NEB: variants seen among roughly 807,000 people sequenced by gnomAD.
NEB encodes the protein nemaline myopathy type 2.
NEB carries 512 observed loss-of-function variants against 952.2 expected under a neutral mutation model. That is an observed-to-expected ratio of 0.54 (90% CI 0.50 to 0.58). The LOEUF (loss-of-function observed/expected upper bound fraction) is 0.58, where lower values mean the gene tolerates loss of function less well. Among genes scored for constraint, NEB ranks in the 20% least tolerant of loss-of-function variants. The pLI is 0.00. For missense variants in NEB, 8,428 were observed against 9,231.1 expected, an observed-to-expected ratio of 0.91 and a Z score of 3.56; for synonymous variants, 2,900 against 3,149.8, an observed-to-expected ratio of 0.92 and a Z score of 2.66.
intron 73 of NEB, among the ~76,000 whole-genome samples, 193 bp downstream of exon 73, chr2:151,619,258 T>C (rs2098320488): frequency 6.6e-6 from 1 of 152,206 alleles, no homozygotes; most frequent in Non-Finnish European, 1.5e-5. Context: ...ATTTACTTTG[T>C]TTCCTCTCCT....
chr2:151,568,025 G>A (rs1431172312), intron 113 of NEB, 46 bp downstream of exon 113: 4 of 1,427,854 alleles, frequency 2.8e-6, no homozygotes, highest in South Asian at 1.2e-5. Flanking sequence ...ATCCCTGGGA[G>A]CAAGGTCCCA....
At chr2:151,491,359 CTT>C (rs2056503634) in intron 179 of NEB, 1 of 235,888 alleles carries the variant, frequency 4.2e-6, no homozygotes, top group Non-Finnish European at 8.5e-6. Flanking sequence ...AGGTCAAATC[CTT>C]TCTCTTCCCT....
chr2:151,712,400 T>C (rs1053036764), intron 10 of NEB, among the ~76,000 whole-genome samples: 3 of 152,182 alleles, frequency 2.0e-5, no homozygotes, highest in Admixed American at 2.0e-4. Context: ...CAGTGAGAGA[T>C]AGATGTCTGG....
intron 78 of NEB, among the ~76,000 whole-genome samples, chr2:151,611,225 A>G (rs1004077808): frequency 2.0e-5 from 3 of 152,332 alleles, no homozygotes; most frequent in African/African-American, 7.2e-5. Context: ...TCCCAAGTGC[A>G]AACCCAACTC....
In NEB at chr2:151,679,721, G is replaced by C; in HGVS notation, c.3255C>G (p.Asp1085Glu). ...AAKAARQAAS[D>E]VQYKKDYEKA... ...CATGTATGACCACAGCTGGACTTAC[G>C]TCACTCGCCGCCTGCCTGGCAGCTT... The change falls in exon 32 of 182, where the codon GAC (aspartate) becomes GAG (glutamate). Residue 1085 changes from aspartate (D) to glutamate (E), a missense_variant and splice_region_variant. Physicochemically the swap from Asp to Glu is conservative, Grantham distance 45. This residue lies in a region of NEB where 2,851 missense variants were observed against 2,791.5 expected (regional missense o/e 1.02). Coordinates refer to ENST00000397345, the MANE Select transcript of NEB (RefSeq NM_001164508.2). 7.3e-7 allele frequency: 1 copy of C among 1,365,932 alleles called. No homozygotes were observed. Among genetic ancestry groups the C allele is most frequent in the Non-Finnish European group, 9.8e-7 (1 of 1,024,382 alleles). 84.6% of individuals were successfully genotyped at this position (1,365,932 alleles called of 1,614,324 possible).
chr2:151,575,304 A>C (rs1172901184), intron 107 of NEB, among the ~76,000 whole-genome samples: 3 of 150,866 alleles, frequency 2.0e-5, no homozygotes, highest in African/African-American at 4.9e-5. Context: ...TTTCTAGAAA[A>C]CCCCCCGAGG....
chr2:151,540,707 A>G lies in NEB; in HGVS notation c.20777T>C (p.Met6926Thr), dbSNP rs763737123. Residue 6926 changes from methionine (M) to threonine (T), a missense_variant, in exon 137 of 182, where the codon ATG becomes ACG. Met to Thr is a moderately conservative substitution (Grantham distance 81). Transcript: ENST00000397345. ...GAATTCCCATCTTACCTCACTGACC[A>G]TGTCCTTCACGTCTTTAGCATGCTT... ...ALKHAKDVKD[M>T]VSEKKYKIQY... is the part of the protein sequence containing the mutation. The G allele has an allele frequency of 8.7e-6, 14 of 1,612,976 alleles. No homozygotes were observed. In the Admixed American group the frequency reaches 1.8e-4, roughly 21 times the overall value.
rs752529011 is a variant in NEB at position 151,492,428 on chromosome 2, C to T, written c.24832G>A (p.Glu8278Lys). ...TGGGTCTCCCTCACCCGTCTCATCT[C>T]GGGGGTATCCAATACATAGGCAGCT... ...GKAAYVLDTP[E>K]MRRVRETQRH... The change falls in exon 177 of 182, where the codon GAG (glutamate) becomes AAG (lysine). Residue 8278 changes from glutamate (E) to lysine (K), a missense_variant. Around this residue, in one of 11 missense-constraint regions of NEB, gnomAD observed 3,374 missense variants for 3,651.5 expected, o/e 0.92. Coordinates refer to ENST00000397345, the MANE Select transcript of NEB (RefSeq NM_001164508.2). 42 of 1,611,932 alleles carry T rather than the reference C, an allele frequency of 2.6e-5. No individual in the cohort carries two copies. Among genetic ancestry groups the T allele is most frequent in the Non-Finnish European group, 3.4e-5 (40 of 1,179,040 alleles).
At chr2:151,507,655 CT>C in intron 162 of NEB, 2 of 231,578 alleles carry the variant, frequency 8.6e-6, no homozygotes, top group Non-Finnish European at 1.7e-5. Context: ...TTCCCTGTTT[CT>C]TTGGGTAGTC....
At chr2:151,536,472 A>G (rs1333093506) in intron 141 of NEB, among the ~76,000 whole-genome samples, 1 of 152,222 alleles carries the variant, frequency 6.6e-6, no homozygotes, top group African/African-American at 2.4e-5. Context: ...AGAGTTTTCC[A>G]GTAATTAATC....
At chr2:151,531,657 A>T in intron 144 of NEB, 135 bp downstream of exon 144, 1 of 705,400 alleles carries the variant, frequency 1.4e-6, no homozygotes, top group Non-Finnish European at 2.5e-6. Context: ...TGTGCATAAC[A>T]GGACATCTCG....
chr2:151,494,096 G>C, intron 174 of NEB, 65 bp downstream of exon 174: 4 of 1,343,418 alleles, frequency 3.0e-6, no homozygotes, highest in Non-Finnish European at 4.2e-6. Context: ...ACAGGGTTAG[G>C]AGCAGGCCAA....
Position 151,513,701 on chromosome 2 carries a change from A to C in NEB, c.23128-8T>G. 6.4e-7 allele frequency: 1 copy of C among 1,558,238 alleles called. No homozygotes were observed. Among genetic ancestry groups the C allele is most frequent in the Non-Finnish European group, 8.8e-7 (1 of 1,142,380 alleles). On this transcript the variant is annotated splice_region_variant and splice_polypyrimidine_tract_variant and intron_variant, in intron 159 of 181. Transcript: ENST00000397345. ...GTCTCGCTTATATTCTTTCTATAGTAGCATTAAAAGAAAAAAAAAAGGTAC... is the reference window on the plus strand; with the variant it reads ...GTCTCGCTTATATTCTTTCTATAGTCGCATTAAAAGAAAAAAAAAAGGTAC...
chr2:151,655,368 A>G lies in NEB; in HGVS notation c.6709T>C (p.Tyr2237His). 1 of 1,559,088 alleles carries G rather than the reference A, an allele frequency of 6.4e-7. No homozygotes were observed. The highest frequency in any genetic ancestry group is 8.7e-7 in the Non-Finnish European group (1 of 1,144,162). ...QNAHTMNKHL[Y>H]TIDWNKDKTK... ...TTATCTTTATTCCAATCAATGGTGT[A>G]TAAATGCTAGGAAGTGGGAAAAAAA... The change falls in exon 51 of 182, where the codon TAC becomes CAC. Residue 2237 changes from tyrosine to histidine, a missense_variant. Coordinates refer to ENST00000397345, the MANE Select transcript of NEB (RefSeq NM_001164508.2).
In NEB at chr2:151,677,655, G is replaced by A. The variant is rs2099380911; in HGVS notation, c.3684C>T (p.Tyr1228=). 8.1e-6 allele frequency: 13 copies of A among 1,613,800 alleles called. No homozygotes were observed. The highest frequency in any genetic ancestry group is 1.0e-5 in the Non-Finnish European group (12 of 1,179,874). Residue 1228 remains tyrosine (Y), a synonymous_variant, in exon 34 of 182, where the codon TAC becomes TAT. Transcript: ENST00000397345. ...ATTTGAGGGTGTCTGGATGTTGCCT[G>A]TACTTCTTTTCATTCAGAGCATCAC... ...KAGDALNEKK[Y]RQHPDTLKFT... is the part of the protein sequence containing the mutation.
In NEB at chr2:151,728,060, T is replaced by C. The variant is rs138509965; in HGVS notation, c.79-154A>G. Among the ~76,000 whole-genome samples the C allele has an allele frequency of 1.8e-3, 270 of 152,346 alleles. 3 individuals are homozygous for C. The highest frequency in any genetic ancestry group is 3.4e-3 in the Middle Eastern group (1 of 294). On this transcript the variant is annotated intron_variant, in intron 4 of 181. Coordinates refer to ENST00000397345, the MANE Select transcript of NEB (RefSeq NM_001164508.2). ...AGCCAAAGCAGGAAATGGCACACTG[T>C]AGCCGTATGAAGGCACATTATGTAC...
intron 88 of NEB, among the ~76,000 whole-genome samples, chr2:151,601,345 G>C (rs542552121): frequency 6.9e-6 from 1 of 143,992 alleles, no homozygotes; most frequent in Non-Finnish European, 1.5e-5. Flanking sequence ...CTGACCTCAA[G>C]TGATCCACCC....
intron 13 of NEB, 109 bp downstream of exon 13, chr2:151,706,772 T>C: frequency 1.3e-6 from 1 of 775,826 alleles, no homozygotes; most frequent in Non-Finnish European, 2.1e-6. Context: ...TACCACTCCA[T>C]AACCTTAATG....
intron 167 of NEB, 53 bp from the exon 168 acceptor site, chr2:151,501,536 T>TTA: frequency 2.8e-6 from 3 of 1,069,250 alleles, no homozygotes; most frequent in Non-Finnish European, 3.8e-6. Flanking sequence ...ATTTTTTAGG[T>TTA]AGACTTAACC....
Sources: gnomAD v4.1 joint callset for allele counts (sites outside exome capture counted in the v4.1 genomes callset) on GRCh38, gnomAD v4.1.1 for gene constraint, gnomAD v4.1.1 regional missense constraint, MANE v1.5 for transcripts, NCBI Gene and HGNC (gene_info 2026-07-23, HGNC 2026-07-21) for gene names.